Variants in PRKD3 observed in about 807,000 individuals in gnomAD.
PRKD3 encodes serine/threonine-protein kinase D3.
PRKD3 carries 47 observed loss-of-function variants against 99.2 expected under a neutral mutation model. The observed-to-expected ratio is 0.47, with a 90% confidence interval of 0.38 to 0.60. The LOEUF is 0.60. PRKD3 is among the 20% of genes least tolerant of loss of function. The pLI is 0.00. For missense variants in PRKD3, 1,019 were observed against 1,088.4 expected (o/e 0.94, Z 0.90); for synonymous variants, 392 against 355.4 (o/e 1.10, Z -1.16).
intron 2 of PRKD3, among the ~76,000 whole-genome samples, chr2:37,314,336 A>G (rs1251784459): frequency 6.6e-6 from 1 of 152,152 alleles, no homozygotes; most frequent in Non-Finnish European, 1.5e-5. Flanking sequence ...ACAATCAATA[A>G]CTATTTTATA....
At chr2:37,275,954 T>C (rs1331548040) in intron 9 of PRKD3, 110 bp from the exon 10 acceptor site, 2 of 1,365,950 alleles carry the variant, frequency 1.5e-6, no homozygotes, top group African/African-American at 3.0e-5. Flanking sequence ...TTTGAATAAC[T>C]TTAAGATTCA....
At chr2:37,257,544 T>C (rs956197601) in intron 16 of PRKD3, among the ~76,000 whole-genome samples, 2 of 151,870 alleles carry the variant, frequency 1.3e-5, no homozygotes, top group Non-Finnish European at 1.5e-5. Context: ...CGGGTGCCTG[T>C]AGTCCCAGCT....
intron 1 of PRKD3, among the ~76,000 whole-genome samples, chr2:37,321,101 G>C (rs60630293): frequency 1.3e-5 from 2 of 152,004 alleles, no homozygotes; most frequent in Non-Finnish European, 2.9e-5. Flanking sequence ...TTGTCTTTAC[G>C]CTTCAATTAG....
In PRKD3 at chr2:37,262,285, G is replaced by A. The variant is rs1668522411; in HGVS notation, c.1885-1901C>T. On this transcript the variant is annotated intron_variant, in intron 14 of 18. Transcript: ENST00000234179. ...TTTTAGCCCACATTCTCTCTCTTTG[G>A]GACTACTGCAATAGTTTCCACTGTA... Among the ~76,000 whole-genome samples the A allele has an allele frequency of 3.3e-5, 5 of 152,006 alleles. No homozygotes were observed. In the East Asian group the frequency reaches 9.7e-4, roughly 29 times the overall value.
intron 2 of PRKD3, among the ~76,000 whole-genome samples, chr2:37,305,513 G>C (rs1422257367): frequency 1.3e-5 from 2 of 152,144 alleles, no homozygotes; most frequent in Admixed American, 1.3e-4. Context: ...AAGCCTCTTA[G>C]CAATATGAAA....
intron 13 of PRKD3, 153 bp downstream of exon 13, chr2:37,269,462 C>T (rs1326146243): frequency 6.3e-6 from 4 of 638,580 alleles, no homozygotes; most frequent in Non-Finnish European, 1.1e-5. Context: ...ACTCAAATTA[C>T]AGTGAGAAGG....
At chr2:37,284,026 T>C (rs180693956) in intron 6 of PRKD3, among the ~76,000 whole-genome samples, 22 of 152,276 alleles carry the variant, frequency 1.4e-4, no homozygotes, top group African/African-American at 4.8e-4. Context: ...AATTTGCTTA[T>C]GCTCTCTTAT....
intron 2 of PRKD3, among the ~76,000 whole-genome samples, chr2:37,296,829 G>A (rs1670696223): frequency 6.6e-6 from 1 of 150,998 alleles, no homozygotes; most frequent in Non-Finnish European, 1.5e-5. Flanking sequence ...GAACCCGGGA[G>A]GCGGAGGTTG....
chr2:37,315,345 T>C (rs1039704804), intron 2 of PRKD3, among the ~76,000 whole-genome samples: 1 of 152,126 alleles, frequency 6.6e-6, no homozygotes, highest in Non-Finnish European at 1.5e-5. Flanking sequence ...AGAAACAACA[T>C]AAAACCACCC....
intron 2 of PRKD3, among the ~76,000 whole-genome samples, chr2:37,309,385 G>A (rs1185806621): frequency 6.6e-6 from 1 of 152,104 alleles, no homozygotes; most frequent in Non-Finnish European, 1.5e-5. Context: ...TCTTGGGCAT[G>A]TGTATACAAT....
intron 16 of PRKD3, among the ~76,000 whole-genome samples, chr2:37,258,625 T>C (rs188286754): frequency 6.6e-6 from 1 of 152,302 alleles, no homozygotes; most frequent in East Asian, 1.9e-4. Context: ...TGAGATAATA[T>C]ATGGAAGCAG....
In PRKD3 at chr2:37,269,806, T is replaced by G. The variant is rs1669103443; in HGVS notation, c.1705-119A>C. On this transcript the variant is annotated intron_variant, in intron 12 of 18. Transcript: ENST00000234179. ...TTATGTTAGAAGCAGCTAATTTCCA[T>G]AAAGTGCAAACTATTTTATGAAAAC... 4.1e-6 allele frequency: 3 copies of G among 727,948 alleles called. No homozygotes were observed. In the African/African-American group the frequency reaches 5.3e-5, roughly 13 times the overall value. The allele number at this position is 727,948 out of a possible 1,614,324, so 45.1% of individuals were successfully genotyped here. A position where few individuals can be genotyped will look rare whatever the true frequency, so the allele number is the denominator to read the frequency against.
rs1553362954 is a variant in PRKD3 at position 37,252,841 on chromosome 2, T to TATATATATATATATATATATA, written c.*335_*336insTATATATATATATATATATAT. On this transcript the variant is annotated 3_prime_UTR_variant, in exon 19 of 19. Coordinates refer to ENST00000234179, the MANE Select transcript of PRKD3 (RefSeq NM_005813.6). The stretch of plus-strand genomic sequence containing the variant: ...ATTAAAAAAACAAACAAACATATAT[T>TATATATATATATATATATATA]TATATTTATATATATATATATAAAG... 2.5e-5 allele frequency: 2 copies of TATATATATATATATATATATA among 80,518 alleles called. No individual in the cohort carries two copies. The highest frequency in any genetic ancestry group is 9.6e-4 in the South Asian group (2 of 2,082). 5.0% of individuals were successfully genotyped at this position (80,518 alleles called of 1,614,324 possible).
intron 14 of PRKD3, among the ~76,000 whole-genome samples, chr2:37,263,736 A>C (rs1668634833): frequency 6.6e-6 from 1 of 152,220 alleles, no homozygotes; most frequent in Non-Finnish European, 1.5e-5. Context: ...AGAAAGAATC[A>C]GCAAAAACAG....
At chr2:37,314,593 G>A (rs533847212) in intron 2 of PRKD3, among the ~76,000 whole-genome samples, 1 of 152,118 alleles carries the variant, frequency 6.6e-6, no homozygotes, top group Non-Finnish European at 1.5e-5. Context: ...AGAACATACT[G>A]TACTTAATAA....
At chr2:37,275,694 A>G in intron 10 of PRKD3, 73 bp downstream of exon 10, 3 of 1,444,480 alleles carry the variant, frequency 2.1e-6, no homozygotes, top group Non-Finnish European at 2.8e-6. Context: ...CAAATATAAC[A>G]GTTAATGAAT....
intron 2 of PRKD3, among the ~76,000 whole-genome samples, chr2:37,309,630 A>G (rs879708692): frequency 3.5e-4 from 53 of 152,130 alleles, no homozygotes; most frequent in Non-Finnish European, 5.9e-4. Flanking sequence ...CTGGCAGATC[A>G]TGAGGTCAGG....
At chr2:37,304,784 G>C (rs1045444186) in intron 2 of PRKD3, among the ~76,000 whole-genome samples, 61 of 150,092 alleles carry the variant, frequency 4.1e-4, no homozygotes, top group African/African-American at 1.5e-3. Flanking sequence ...AGAAATACCA[G>C]AGGAGCTGCT....
chr2:37,317,187 G>T lies in PRKD3; in HGVS notation c.-655-8C>A, dbSNP rs1671703352. 1.0e-6 allele frequency: 1 copy of T among 962,490 alleles called. No homozygotes were observed. The highest frequency in any genetic ancestry group is 1.2e-6 in the Non-Finnish European group (1 of 809,104). The allele number at this position is 962,490 out of a possible 1,614,324, so 59.6% of individuals were successfully genotyped here. A position where few individuals can be genotyped will look rare whatever the true frequency, so the allele number is the denominator to read the frequency against. On this transcript the variant is annotated splice_polypyrimidine_tract_variant and splice_region_variant and intron_variant, in intron 1 of 18. Coordinates refer to ENST00000234179, the MANE Select transcript of PRKD3 (RefSeq NM_005813.6). ...TTCTGACATATAGTTAGCCTGGAAG[G>T]AAATTTTTTAAAGGTTTTTAATACT... is the stretch of plus-strand genomic sequence containing the variant.
Sources: gnomAD v4.1 joint callset for allele counts (sites outside exome capture counted in the v4.1 genomes callset) on GRCh38, gnomAD v4.1.1 for gene constraint, MANE v1.5 for transcripts, NCBI Gene and HGNC (gene_info 2026-07-23, HGNC 2026-07-21) for gene names.